The following SLIT1 variants were observed in gnomAD, a reference collection of about 807,000 sequenced individuals.
SLIT1 encodes the protein slit homolog 1 protein.
Under a neutral mutation model 186.1 loss-of-function variants are expected in SLIT1, and 66 were observed. The observed-to-expected ratio is 0.35, with a 90% CI of 0.29 to 0.44. SLIT1 has a LOEUF of 0.44. Ranked by LOEUF, SLIT1 falls within the 20% of genes least tolerant of loss-of-function variation. SLIT1 has a pLI of 1.00. For synonymous variants in SLIT1, 761 were observed against 833.8 expected, an observed-to-expected ratio of 0.91 and a Z score of 1.50; for missense variants, 1,638 against 2,037.4, an observed-to-expected ratio of 0.80 and a Z score of 3.77.
chr10:97,016,050 T>G (rs1848452544), intron 28 of SLIT1, among the ~76,000 whole-genome samples: 1 of 152,270 alleles, frequency 6.6e-6, no homozygotes, highest in Non-Finnish European at 1.5e-5. Context: ...GGCACATGCC[T>G]GTAATCCCAG....
chr10:97,154,831 G>C (rs1376410699), intron 4 of SLIT1: 1 of 152,260 alleles, frequency 6.6e-6, no homozygotes, highest in Non-Finnish European at 1.5e-5. Context: ...TTTGGTTATA[G>C]AATCTGGCTA....
intron 1 of SLIT1, among the ~76,000 whole-genome samples, chr10:97,183,394 C>T (rs1182796950): frequency 1.3e-5 from 2 of 152,200 alleles, no homozygotes; most frequent in Admixed American, 6.5e-5. Context: ...TCTCGTTTAG[C>T]GAGCATCAGA....
At chr10:97,080,717 T>A (rs1849095499) in intron 4 of SLIT1, among the ~76,000 whole-genome samples, 1 of 152,206 alleles carries the variant, frequency 6.6e-6, no homozygotes, top group Admixed American at 6.5e-5. Context: ...TGCAAACCAG[T>A]CAACTCACAC....
chr10:97,007,385 T>C (rs979506471), intron 31 of SLIT1, among the ~76,000 whole-genome samples: 2 of 152,188 alleles, frequency 1.3e-5, no homozygotes, highest in Admixed American at 6.5e-5. Flanking sequence ...ATACCAATTC[T>C]TCACAAACTT....
chr10:97,183,691 G>C (rs543659024), intron 1 of SLIT1, among the ~76,000 whole-genome samples: 1 of 152,302 alleles, frequency 6.6e-6, no homozygotes, highest in African/African-American at 2.4e-5. Context: ...TGGTGAGAGA[G>C]TAAAGAGGGA....
chr10:97,082,236 C>T (rs143298135), intron 4 of SLIT1, among the ~76,000 whole-genome samples: 1 of 152,332 alleles, frequency 6.6e-6, no homozygotes, highest in African/African-American at 2.4e-5. Flanking sequence ...TGCACAAAAA[C>T]TGTTCACTTT....
Position 97,004,635 on chromosome 10 carries a change from C to T in SLIT1, c.3710+58G>A. 1.2e-6 allele frequency: 2 copies of T among 1,605,944 alleles called. No homozygotes were observed. The highest frequency in any genetic ancestry group is 1.7e-6 in the Non-Finnish European group (2 of 1,174,194). Reference sequence around the variant, plus strand: ...AACCACCTGCTTTTGGCCCAGGAGACCTCGCCCTGGCAGTCCCGTACCCCT... The same window carrying T: ...AACCACCTGCTTTTGGCCCAGGAGATCTCGCCCTGGCAGTCCCGTACCCCT... On this transcript the variant is annotated intron_variant, in intron 33 of 36. Coordinates refer to ENST00000266058, the MANE Select transcript of SLIT1 (RefSeq NM_003061.3). This position sits in a 1 kb window ranked among gnomAD's most constrained non-coding sequence, Gnocchi z 5.1.
chr10:97,170,902 T>C (rs2636801), intron 1 of SLIT1, among the ~76,000 whole-genome samples: 111,220 of 151,864 alleles, frequency 0.73, 41,563 homozygotes, highest in Non-Finnish European at 0.82. Flanking sequence ...CTCCCTGGGC[T>C]CCTCTCGGGC....
At chr10:97,149,836 A>G (rs375912596) in intron 4 of SLIT1, among the ~76,000 whole-genome samples, 9 of 152,282 alleles carry the variant, frequency 5.9e-5, no homozygotes, top group Admixed American at 2.0e-4. Context: ...CCCCGAAAAA[A>G]TAAATTTTTT....
chr10:97,066,043 A>G lies in SLIT1; in HGVS notation c.457T>C (p.Phe153Leu). The change falls in exon 5 of 37, where the codon TTT (phenylalanine) becomes CTT (leucine). Residue 153 changes from phenylalanine (F) to leucine (L), a missense_variant. Phe to Leu is a conservative substitution (Grantham distance 22). This residue lies in a region of SLIT1 where 1,245 missense variants were observed against 1,535.3 expected (regional missense o/e 0.81). Coordinates refer to ENST00000266058, the MANE Select transcript of SLIT1 (RefSeq NM_003061.3). ...TTTTTAAGGTCCGTAGCTCCCCGAA[A>G]AGCTTTCCTGGGGATGGCCTGGATG... The part of the protein sequence containing the change: ...NAIQAIPRKA[F>L]RGATDLKNLQ... The G allele has an allele frequency of 6.2e-7, 1 of 1,606,420 alleles. No homozygotes were observed. Among genetic ancestry groups the G allele is most frequent in the African/African-American group, 1.3e-5 (1 of 74,944 alleles).
At chr10:97,180,080 C>T (rs1406013495) in intron 1 of SLIT1, among the ~76,000 whole-genome samples, 1 of 152,188 alleles carries the variant, frequency 6.6e-6, no homozygotes, top group African/African-American at 2.4e-5. Context: ...GACAGCCCGC[C>T]CCGCCCAAGA....
chr10:97,077,671 T>C (rs1250988292), intron 4 of SLIT1, among the ~76,000 whole-genome samples: 2 of 152,208 alleles, frequency 1.3e-5, no homozygotes, highest in Non-Finnish European at 2.9e-5. Context: ...TACTAAATCC[T>C]GAGTGGTACA....
intron 4 of SLIT1, among the ~76,000 whole-genome samples, chr10:97,066,491 G>A (rs1424954766): frequency 6.6e-6 from 1 of 152,160 alleles, no homozygotes; most frequent in African/African-American, 2.4e-5. Context: ...CTGGTGGGAG[G>A]TGATCTGGTC....
chr10:97,019,027 C>G lies in SLIT1; in HGVS notation c.2827G>C (p.Asp943His), dbSNP rs201572133. Reference sequence around the variant, plus strand: ...GCGCACCTGTACACCTCAAGGGGGTCGTTGTGGCAGGTGCCCTGGTTCTGG... The same window carrying G: ...GCGCACCTGTACACCTCAAGGGGGTGGTTGTGGCAGGTGCCCTGGTTCTGG... ...PCQNQGTCHNDPLEVYRCACP... is the reference protein window; with the variant it reads ...PCQNQGTCHNHPLEVYRCACP... Residue 943 changes from aspartate (D) to histidine (H), a missense_variant, in exon 27 of 37, where the codon GAC (aspartate) becomes CAC (histidine). This residue lies in a region of SLIT1 where 1,245 missense variants were observed against 1,535.3 expected (regional missense o/e 0.81). Transcript: ENST00000266058. 4 of 1,613,808 alleles carry G rather than the reference C, an allele frequency of 2.5e-6. No homozygotes were observed. The highest frequency in any genetic ancestry group is 3.4e-6 in the Non-Finnish European group (4 of 1,179,846).
intron 4 of SLIT1, among the ~76,000 whole-genome samples, chr10:97,146,642 T>C (rs577563411): frequency 2.0e-5 from 3 of 152,272 alleles, no homozygotes; most frequent in Admixed American, 1.3e-4. Context: ...TTCATGTTTC[T>C]GGACCACAAG....
intron 10 of SLIT1, 46 bp downstream of exon 10, chr10:97,060,041 C>G (rs370330299): frequency 1.3e-6 from 2 of 1,516,162 alleles, no homozygotes; most frequent in Non-Finnish European, 1.8e-6. Context: ...CCAGGATCTC[C>G]GTCAGCCCTG....
At chr10:97,065,951 G>A in intron 5 of SLIT1, 64 bp downstream of exon 5, 2 of 1,243,726 alleles carry the variant, frequency 1.6e-6, no homozygotes, top group Admixed American at 1.9e-5. Flanking sequence ...GGGATACCCT[G>A]AGGATGCTGC....
rs1287523685 is a variant in SLIT1 at position 97,067,764 on chromosome 10, G to A, written c.414-1678C>T. Among the ~76,000 whole-genome samples the A allele has an allele frequency of 3.9e-5, 6 of 152,292 alleles. No homozygotes were observed. The East Asian group carries it at 9.7e-4, about 25-fold the overall frequency. Reference sequence around the variant, plus strand: ...GGGTCCTGAAGGTGAACAACCAGCGGCAGACCGTCCTGACATAGGCCCCAG... The same window carrying A: ...GGGTCCTGAAGGTGAACAACCAGCGACAGACCGTCCTGACATAGGCCCCAG... On this transcript the variant is annotated intron_variant, in intron 4 of 36. Coordinates refer to ENST00000266058, the MANE Select transcript of SLIT1 (RefSeq NM_003061.3).
intron 1 of SLIT1, among the ~76,000 whole-genome samples, chr10:97,179,647 C>T (rs1210060841): frequency 6.6e-6 from 1 of 152,188 alleles, no homozygotes; most frequent in Non-Finnish European, 1.5e-5. Context: ...GTTCTTTCTC[C>T]CTCACCAGGC....
Sources: allele counts gnomAD v4.1 joint callset (sites outside exome capture counted in the v4.1 genomes callset), GRCh38; gene constraint gnomAD v4.1.1; regional missense constraint gnomAD v4.1.1; non-coding constraint Gnocchi (gnomAD v3.1); transcripts MANE v1.5; gene names NCBI Gene and HGNC (gene_info 2026-07-23, HGNC 2026-07-21).